The following PCDH15 variants were observed in gnomAD, a reference collection of about 807,000 sequenced individuals.
PCDH15 encodes the protein protocadherin related 15, also known as protocadherin-15.
A neutral mutation model predicts 178.5 loss-of-function variants in PCDH15; 129 were observed. The observed-to-expected ratio is 0.72, with a 90% confidence interval of 0.63 to 0.84. The LOEUF (loss-of-function observed/expected upper bound fraction) is 0.84, where lower values mean the gene tolerates loss of function less well. Ranked by LOEUF, PCDH15 falls within the 40% of genes least tolerant of loss-of-function variation. The pLI is 0.00. For missense variants in PCDH15, 2,230 were observed against 2,099.9 expected (o/e 1.06, Z -1.21); for synonymous variants, 800 against 732.0 (o/e 1.09, Z -1.50).
intron 8 of PCDH15, among the ~76,000 whole-genome samples, chr10:54,307,392 G>A (rs2060625724): frequency 6.6e-6 from 1 of 151,314 alleles, no homozygotes. Context: ...ATAGGGCGAA[G>A]AAGTCCTATG....
intron 1 of PCDH15, among the ~76,000 whole-genome samples, chr10:55,292,983 C>A (rs760243410): frequency 6.6e-6 from 1 of 152,180 alleles, no homozygotes; most frequent in Admixed American, 6.5e-5. Context: ...GCTCCGACTC[C>A]ATATTTCCCT....
At chr10:54,029,571 AC>A (rs2093229836) in intron 18 of PCDH15, among the ~76,000 whole-genome samples, 1 of 152,168 alleles carries the variant, frequency 6.6e-6, no homozygotes, top group East Asian at 1.9e-4. Flanking sequence ...TGCCAGAAAC[AC>A]CACTTGCAAA....
intron 2 of PCDH15, among the ~76,000 whole-genome samples, chr10:55,162,217 C>T (rs893077952): frequency 2.0e-5 from 3 of 152,046 alleles, no homozygotes; most frequent in Non-Finnish European, 4.4e-5. Flanking sequence ...TAGAACTTCC[C>T]GTATTTGCTT....
At chr10:54,601,901 A>G (rs1480359276) in intron 2 of PCDH15, among the ~76,000 whole-genome samples, 2 of 151,978 alleles carry the variant, frequency 1.3e-5, no homozygotes, top group Non-Finnish European at 2.9e-5. Context: ...GAAATACTGC[A>G]TGTTCTCACT....
At chr10:53,935,920 T>A (rs1286080910) in intron 25 of PCDH15, among the ~76,000 whole-genome samples, 1 of 152,168 alleles carries the variant, frequency 6.6e-6, no homozygotes, top group Non-Finnish European at 1.5e-5. Flanking sequence ...TGCTACTATC[T>A]ATATCACAAA....
intron 20 of PCDH15, among the ~76,000 whole-genome samples, chr10:54,008,356 C>A (rs1288893609): frequency 6.6e-6 from 1 of 152,136 alleles, no homozygotes. Flanking sequence ...AATAAATTAT[C>A]TTCCAGCTGC....
intron 26 of PCDH15, among the ~76,000 whole-genome samples, chr10:53,900,236 C>T (rs1564721677): frequency 6.8e-6 from 1 of 147,618 alleles, no homozygotes; most frequent in Non-Finnish European, 1.5e-5. Context: ...TCTCTCTCCC[C>T]CCCTCTCTCT....
intron 18 of PCDH15, among the ~76,000 whole-genome samples, chr10:54,059,167 T>C (rs1029364680): frequency 3.9e-5 from 6 of 152,208 alleles, no homozygotes; most frequent in Admixed American, 2.0e-4. Flanking sequence ...GTCTTTCTAT[T>C]CTTGATTTAT....
At chr10:54,708,225 A>G (rs2095387195) in intron 1 of PCDH15, among the ~76,000 whole-genome samples, 1 of 152,206 alleles carries the variant, frequency 6.6e-6, no homozygotes, top group Non-Finnish European at 1.5e-5. Context: ...GACTTGCTAA[A>G]TAGAAGTGGA....
intron 3 of PCDH15, among the ~76,000 whole-genome samples, chr10:54,413,673 T>C (rs1435889046): frequency 6.6e-6 from 1 of 152,186 alleles, no homozygotes; most frequent in Non-Finnish European, 1.5e-5. Context: ...CCAATAAATA[T>C]TAAAAAATGT....
intron 1 of PCDH15, among the ~76,000 whole-genome samples, chr10:54,716,252 C>T (rs66482977): frequency 0.12 from 18,544 of 152,072 alleles, 1,261 homozygotes; most frequent in African/African-American, 0.17. Flanking sequence ...CAACAGAGAG[C>T]TTCTCCCATT....
At chr10:55,169,337 A>G (rs1311456834) in intron 1 of PCDH15, among the ~76,000 whole-genome samples, 1 of 152,194 alleles carries the variant, frequency 6.6e-6, no homozygotes, top group African/African-American at 2.4e-5. Context: ...TAAAAAATCA[A>G]TTGCTAAGAA....
intron 1 of PCDH15, among the ~76,000 whole-genome samples, chr10:55,268,188 G>A (rs1842350101): frequency 6.6e-6 from 1 of 152,090 alleles, no homozygotes; most frequent in African/African-American, 2.4e-5. Context: ...GTTACCCGTT[G>A]AGTTATGTAC....
intron 22 of PCDH15, 86 bp from the exon 23 acceptor site, chr10:53,959,930 T>C: frequency 9.8e-7 from 1 of 1,024,472 alleles, no homozygotes; most frequent in African/African-American, 1.6e-5. Context: ...TTTTACTTAT[T>C]GGATTGCCTG....
At chr10:54,266,152 C>A (rs989061040) in intron 8 of PCDH15, among the ~76,000 whole-genome samples, 13 of 151,554 alleles carry the variant, frequency 8.6e-5, no homozygotes, top group Admixed American at 2.6e-4. Flanking sequence ...CACAAACACA[C>A]ACACACACAC....
At chr10:54,932,944 G>A (rs965595854) in intron 2 of PCDH15, among the ~76,000 whole-genome samples, 1 of 151,952 alleles carries the variant, frequency 6.6e-6, no homozygotes. Flanking sequence ...TTCCTGCAAG[G>A]TTCATTTATG....
intron 20 of PCDH15, among the ~76,000 whole-genome samples, chr10:54,000,298 T>C (rs1207179003): frequency 6.6e-6 from 1 of 151,982 alleles, no homozygotes; most frequent in Non-Finnish European, 1.5e-5. Flanking sequence ...CAAGCATCAA[T>C]ATCATCCAGG....
intron 18 of PCDH15, among the ~76,000 whole-genome samples, chr10:54,038,224 T>A (rs1472529041): frequency 6.6e-6 from 1 of 151,970 alleles, no homozygotes; most frequent in African/African-American, 2.4e-5. Context: ...GTCTGATTTA[T>A]TTATTTTGCA....
chr10:54,581,128 T>C (rs948738072), intron 2 of PCDH15, among the ~76,000 whole-genome samples: 3 of 151,966 alleles, frequency 2.0e-5, no homozygotes, highest in African/African-American at 7.2e-5. Context: ...ATAAAAGACA[T>C]CCAGATATGA....
Sources: gnomAD v4.1 joint callset for allele counts (sites outside exome capture counted in the v4.1 genomes callset) on GRCh38, gnomAD v4.1.1 for gene constraint, MANE v1.5 for transcripts, NCBI Gene and HGNC (gene_info 2026-07-23, HGNC 2026-07-21) for gene names.